Variants in BCAR3 observed in about 807,000 individuals in gnomAD.
The protein encoded by BCAR3 is breast cancer anti-estrogen resistance protein 3.
Under a neutral mutation model 80.1 loss-of-function variants are expected in BCAR3, and 37 were observed. The observed-to-expected ratio is 0.46, with a 90% confidence interval of 0.36 to 0.61. The LOEUF (loss-of-function observed/expected upper bound fraction) is 0.61. BCAR3 is among the 20% of genes least tolerant of loss of function. The pLI, the probability that BCAR3 is intolerant of heterozygous loss-of-function variation, is 0.00. For synonymous variants in BCAR3, 389 were observed against 418.9 expected (o/e 0.93, Z 0.87); for missense variants, 978 against 1,068.2 (o/e 0.92, Z 1.18).
chr1:93,766,655 C>T (rs12119150), intron 2 of BCAR3, among the ~76,000 whole-genome samples: 17,765 of 152,186 alleles, frequency 0.12, 1,433 homozygotes, highest in African/African-American at 0.22. Flanking sequence ...TCTTAGAGTC[C>T]GCTTCAAGTT....
intron 2 of BCAR3, among the ~76,000 whole-genome samples, chr1:93,726,844 T>C (rs1650602220): frequency 6.6e-6 from 1 of 152,230 alleles, no homozygotes; most frequent in African/African-American, 2.4e-5. Flanking sequence ...CTACAATTAA[T>C]TTTTGTATAT....
At chr1:93,678,908 T>C (rs1157491752) in intron 1 of BCAR3, among the ~76,000 whole-genome samples, 4 of 152,142 alleles carry the variant, frequency 2.6e-5, no homozygotes, top group Admixed American at 1.3e-4. Flanking sequence ...TAAACCCAAG[T>C]CTCCAGCCTC....
upstream of BCAR3, among the ~76,000 whole-genome samples, chr1:93,686,309 G>A (rs530163918): frequency 6.6e-6 from 1 of 152,184 alleles, no homozygotes; most frequent in Admixed American, 6.5e-5. Context: ...GGGAGGCTGA[G>A]GTAGAGGATC....
Position 93,786,192 on chromosome 1 carries a change from C to CAAAAAAAAAAA in BCAR3, c.-63+59364_-63+59374dup, listed in dbSNP as rs61644309. Reference sequence around the variant, plus strand: ...TGGGCGTCAGAGCGAGACTCCGTCTCAAAAAAAAAAAAAAAAAAAAAAAAA... The same window carrying CAAAAAAAAAAA: ...TGGGCGTCAGAGCGAGACTCCGTCTCAAAAAAAAAAAAAAAAAAAAAAAAAAAAAAAAAAAA... On this transcript the variant is annotated intron_variant, in intron 2 of 13. Coordinates refer to the BCAR3 transcript ENST00000370244. Among the ~76,000 whole-genome samples the CAAAAAAAAAAA allele has an allele frequency of 3.4e-3, 80 of 23,244 alleles. 15 individuals carry two copies. Among genetic ancestry groups the CAAAAAAAAAAA allele is most frequent in the African/African-American group, 9.8e-3 (50 of 5,078 alleles). 15.2% of individuals were successfully genotyped at this position (23,244 alleles called of 152,430 possible).
At chr1:93,658,565 T>C (rs1647499557) in intron 2 of BCAR3, among the ~76,000 whole-genome samples, 1 of 152,050 alleles carries the variant, frequency 6.6e-6, no homozygotes, top group Non-Finnish European at 1.5e-5. Flanking sequence ...GATGAGAGAA[T>C]TGTTTGAACC....
intron 2 of BCAR3, among the ~76,000 whole-genome samples, chr1:93,771,128 C>T (rs1170625943): frequency 2.0e-5 from 3 of 152,164 alleles, no homozygotes; most frequent in Non-Finnish European, 4.4e-5. Flanking sequence ...ATCCTTATAA[C>T]AACCCTACAA....
chr1:93,787,871 C>T (rs923236524), intron 2 of BCAR3, among the ~76,000 whole-genome samples: 5 of 152,108 alleles, frequency 3.3e-5, no homozygotes, highest in Admixed American at 1.3e-4. Context: ...CCTTTGTTGA[C>T]GCTCTGTCTT....
Position 93,583,894 on chromosome 1 carries a change from C to T in BCAR3, c.1033+124G>A, listed in dbSNP as rs1056502297. The T allele has an allele frequency of 2.1e-5, 19 of 912,688 alleles. No homozygotes were observed. The African/African-American group carries it at 3.0e-4, about 14-fold the overall frequency. 56.5% of individuals were successfully genotyped at this position (912,688 alleles called of 1,614,324 possible). ...GATATAATTCTGCAAACCCATTCCC[C>T]TCCAGGCTGCAGGCCTGAGGCCTTG... is the stretch of plus-strand genomic sequence containing the variant. On this transcript the variant is annotated intron_variant, in intron 6 of 11. Coordinates refer to ENST00000260502, the MANE Select transcript of BCAR3 (RefSeq NM_003567.4).
chr1:93,666,702 G>A (rs550592759), intron 2 of BCAR3, among the ~76,000 whole-genome samples: 81 of 152,308 alleles, frequency 5.3e-4, no homozygotes, highest in Middle Eastern at 3.4e-3. Flanking sequence ...CTCGGGGCCC[G>A]TTCACTGAAG....
At position 93,562,459 on chromosome 1, in the gene BCAR3, C is replaced by T. The variant is rs752148585; in HGVS notation, c.2300-40G>A. The T allele has an allele frequency of 5.7e-6, 9 of 1,591,036 alleles. No homozygotes were observed. In the Admixed American group the frequency reaches 1.4e-4, roughly 24 times the overall value. ...TAAACAAAAAGTTACTTCAGTTCTG[C>T]CTAAGATGTGTTAAAAATAGACTGA... On this transcript the variant is annotated intron_variant, in intron 11 of 11. Coordinates refer to ENST00000260502, the MANE Select transcript of BCAR3 (RefSeq NM_003567.4).
chr1:93,646,237 G>A (rs1023724970), intron 2 of BCAR3, among the ~76,000 whole-genome samples: 1 of 152,092 alleles, frequency 6.6e-6, no homozygotes, highest in Admixed American at 6.6e-5. Flanking sequence ...ATGTTTTCCT[G>A]TAATTCTTAA....
At chr1:93,663,743 T>C (rs919014780) in intron 2 of BCAR3, among the ~76,000 whole-genome samples, 6 of 152,200 alleles carry the variant, frequency 3.9e-5, no homozygotes, top group African/African-American at 1.4e-4. Context: ...TTCAACATAC[T>C]TGTGAATGAA....
chr1:93,568,185 CA>C (rs766506956), intron 9 of BCAR3: 710 of 127,892 alleles, frequency 5.6e-3, no homozygotes, highest in South Asian at 7.9e-3. Context: ...GACCCTGTCT[CA>C]AAAAAAAAAA....
rs1262216530 is a variant in BCAR3 at position 93,589,428 on chromosome 1, C to G, written c.487-9G>C. ...ACAAGGTTTTCAGACACCTTTGGGA[C>G]AAAAAGGTGAGTGAGGAGTAGGAAA... On this transcript the variant is annotated splice_polypyrimidine_tract_variant and intron_variant, in intron 4 of 11. Coordinates refer to ENST00000260502, the MANE Select transcript of BCAR3 (RefSeq NM_003567.4). 8 of 1,602,522 alleles carry G rather than the reference C, an allele frequency of 5.0e-6. No homozygotes were observed. Among genetic ancestry groups the G allele is most frequent in the Non-Finnish European group, 6.8e-6 (8 of 1,176,798 alleles).
chr1:93,707,392 C>A (rs752799990), intron 2 of BCAR3, among the ~76,000 whole-genome samples: 2 of 151,792 alleles, frequency 1.3e-5, no homozygotes, highest in Non-Finnish European at 2.9e-5. Context: ...ATGCAAAATC[C>A]GCATTAAATA....
chr1:93,749,147 G>GGTGTGT (rs57871721), intron 2 of BCAR3, among the ~76,000 whole-genome samples: 1 of 150,458 alleles, frequency 6.6e-6, no homozygotes, highest in Admixed American at 6.6e-5. Flanking sequence ...AACAAATAAT[G>GGTGTGT]GTGTGTGTGT....
chr1:93,767,582 C>T (rs1432098811), intron 2 of BCAR3, among the ~76,000 whole-genome samples: 4 of 151,754 alleles, frequency 2.6e-5, no homozygotes, highest in African/African-American at 4.8e-5. Context: ...ATGTATTACA[C>T]CTTTTGAAAA....
chr1:93,606,210 TA>T (rs949786568), intron 3 of BCAR3, among the ~76,000 whole-genome samples: 1 of 152,140 alleles, frequency 6.6e-6, no homozygotes, highest in South Asian at 2.1e-4. Flanking sequence ...ACAAGCATTT[TA>T]AAAAATGCAA....
chr1:93,670,410 C>CA (rs1292353303), intron 2 of BCAR3, among the ~76,000 whole-genome samples: 1 of 152,176 alleles, frequency 6.6e-6, no homozygotes, highest in Non-Finnish European at 1.5e-5. Flanking sequence ...TCTCAGCAGG[C>CA]AAGGCTCCAT....
Sources: gnomAD v4.1 joint callset for allele counts (sites outside exome capture counted in the v4.1 genomes callset) on GRCh38, gnomAD v4.1.1 for gene constraint, MANE v1.5 for transcripts, NCBI Gene and HGNC (gene_info 2026-07-23, HGNC 2026-07-21) for gene names.